WDFY3: variants seen among roughly 807,000 people sequenced by gnomAD.
WDFY3 encodes WD repeat and FYVE domain-containing protein 3.
Under a neutral mutation model 409.6 loss-of-function variants are expected in WDFY3, and 66 were observed. That is an observed-to-expected ratio of 0.16 (90% CI 0.13 to 0.20). WDFY3 has a LOEUF of 0.20. Ranked by LOEUF, WDFY3 falls within the 10% of genes least tolerant of loss-of-function variation. The probability of loss-of-function intolerance (pLI) is 1.00; values close to 1 mark genes in which losing one functional copy is unlikely to be tolerated. For missense variants in WDFY3, 3,031 were observed against 4,298.1 expected (o/e 0.71, Z 8.24); for synonymous variants, 1,521 against 1,537.1 (o/e 0.99, Z 0.25).
At chr4:84,750,247 C>T (rs1454875728) in intron 36 of WDFY3, among the ~76,000 whole-genome samples, 1 of 152,110 alleles carries the variant, frequency 6.6e-6, no homozygotes, top group East Asian at 1.9e-4. Flanking sequence ...ATTGGGCCTG[C>T]TTTTTAATTC....
At chr4:84,698,979 C>T (rs773146653) in intron 56 of WDFY3, among the ~76,000 whole-genome samples, 8 of 152,122 alleles carry the variant, frequency 5.3e-5, no homozygotes, top group African/African-American at 1.2e-4. Flanking sequence ...TGAGCCACTG[C>T]GACCAGCCCC....
intron 2 of WDFY3, among the ~76,000 whole-genome samples, chr4:84,923,296 G>A (rs952304310): frequency 6.6e-6 from 1 of 152,162 alleles, no homozygotes; most frequent in South Asian, 2.1e-4. Context: ...AAAAAGATGA[G>A]GCCAAAGGAA....
Position 84,803,363 on chromosome 4 carries a change from A to G in WDFY3, c.2534T>C (p.Val845Ala). The change falls in exon 16 of 68, where the codon GTC becomes GCC. Residue 845 changes from valine (V) to alanine (A), a missense_variant. Transcript: ENST00000295888. ...TTSSLQSSDAVIIHPGAMLAM... is the reference protein window; with the variant it reads ...TTSSLQSSDAAIIHPGAMLAM... ...AAGCATGGCTCCAGGATGAATGATG[A>G]CTGCATCAGAACTCTGCAGAGATGA... 1 of 1,614,134 alleles carries G rather than the reference A, an allele frequency of 6.2e-7. No homozygotes were observed. Among genetic ancestry groups the G allele is most frequent in the Non-Finnish European group, 8.5e-7 (1 of 1,180,012 alleles).
chr4:84,678,013 C>T (rs1308983990), intron 66 of WDFY3, among the ~76,000 whole-genome samples, 155 bp downstream of exon 66: 3 of 145,578 alleles, frequency 2.1e-5, no homozygotes, highest in Non-Finnish European at 3.0e-5. Flanking sequence ...AATATCCACA[C>T]ACTAACAGGG....
chr4:84,766,464 A>G, intron 30 of WDFY3, 92 bp from the exon 31 acceptor site: 1 of 1,271,304 alleles, frequency 7.9e-7, no homozygotes, highest in South Asian at 1.4e-5. Context: ...TGAAAAATAT[A>G]TCTTTTAGAA....
At chr4:84,917,606 C>T (rs1768680435) in intron 2 of WDFY3, among the ~76,000 whole-genome samples, 1 of 152,042 alleles carries the variant, frequency 6.6e-6, no homozygotes, top group Admixed American at 6.5e-5. Context: ...GTAGAGATAA[C>T]CATCTCATTC....
chr4:84,674,524 C>T (rs1010552380), intron 67 of WDFY3, among the ~76,000 whole-genome samples: 1 of 151,856 alleles, frequency 6.6e-6, no homozygotes, highest in African/African-American at 2.4e-5. Flanking sequence ...GAGCTGTGAT[C>T]GTGCCACTGT....
intron 2 of WDFY3, among the ~76,000 whole-genome samples, chr4:84,901,696 A>G (rs1057385862): frequency 6.6e-6 from 1 of 152,236 alleles, no homozygotes; most frequent in African/African-American, 2.4e-5. Context: ...TAACAAGGAA[A>G]CAAGCTCTAA....
In WDFY3 at chr4:84,841,219, T is replaced by C. The variant is rs2150029490; in HGVS notation, c.349A>G (p.Ser117Gly). Reference sequence around the variant, plus strand: ...ATCCAGCCTCTACTGGCTTCTTCACTCTGATTAATCTCTAGGAACTGAACT... The same window carrying C: ...ATCCAGCCTCTACTGGCTTCTTCACCCTGATTAATCTCTAGGAACTGAACT... Reference protein sequence around the residue: ...AIVQFLEINQSEEASRGWMLL... With the variant: ...AIVQFLEINQGEEASRGWMLL... Residue 117 changes from serine (S) to glycine (G), a missense_variant, in exon 6 of 68, where the codon AGT becomes GGT. By Grantham distance (56) the Ser-to-Gly change is moderately conservative (BLOSUM62 0). Around this residue, in one of 16 missense-constraint regions of WDFY3, gnomAD observed 1,322 missense variants for 1,697.9 expected, o/e 0.78. Coordinates refer to ENST00000295888, the MANE Select transcript of WDFY3 (RefSeq NM_014991.6). 1.2e-6 allele frequency: 2 copies of C among 1,613,144 alleles called. No individual in the cohort carries two copies. Among genetic ancestry groups the C allele is most frequent in the Non-Finnish European group, 1.7e-6 (2 of 1,179,844 alleles).
chr4:84,669,682 G>A lies in WDFY3; in HGVS notation c.*3186C>T, dbSNP rs1316080901. 1.4e-5 allele frequency: 2 copies of A among 144,712 alleles called. No individual in the cohort carries two copies. Among genetic ancestry groups the A allele is most frequent in the East Asian group, 2.0e-4 (1 of 4,988 alleles). The allele number at this position is 144,712 out of a possible 1,614,324, so 9.0% of individuals were successfully genotyped here. On this transcript the variant is annotated 3_prime_UTR_variant, in exon 68 of 68. Coordinates refer to ENST00000295888, the MANE Select transcript of WDFY3 (RefSeq NM_014991.6). The stretch of plus-strand genomic sequence containing the variant: ...GAGACAAATATACAATGAACATTCA[G>A]ATATCACAGACTGCACACTAGATAG...
rs952856643 is a variant in WDFY3, at chr4:84,928,784, T to A, written c.-132+3486A>T. On this transcript the variant is annotated intron_variant, in intron 2 of 67. Coordinates refer to ENST00000295888, the MANE Select transcript of WDFY3 (RefSeq NM_014991.6). The stretch of plus-strand genomic sequence containing the variant: ...CTTAAATTTTTTTAGGGAAATGAGA[T>A]TAGACCTCTGCATATTTTATGAGAA... Among the ~76,000 whole-genome samples, 6 of 152,194 alleles carry A rather than the reference T, an allele frequency of 3.9e-5. No homozygotes were observed. In the East Asian group the frequency reaches 1.2e-3, roughly 29 times the overall value.
At chr4:84,687,892 G>A (rs1728594262) in intron 62 of WDFY3, 194 bp downstream of exon 62, 2 of 511,800 alleles carry the variant, frequency 3.9e-6, no homozygotes, top group Non-Finnish European at 6.9e-6. Flanking sequence ...TCACCAAATC[G>A]GTGCTGACCT....
intron 31 of WDFY3, 34 bp downstream of exon 31, chr4:84,766,218 C>T: frequency 1.3e-6 from 2 of 1,549,584 alleles, no homozygotes; most frequent in Non-Finnish European, 1.7e-6. Flanking sequence ...GTAGTAGCAA[C>T]TGGTATAATC....
At chr4:84,958,480 CAAAT>C (rs1338740850) in intron 1 of WDFY3, among the ~76,000 whole-genome samples, 1 of 151,940 alleles carries the variant, frequency 6.6e-6, no homozygotes, top group Non-Finnish European at 1.5e-5. Flanking sequence ...GGTGGAGAGA[CAAAT>C]AAACCAGCTA....
chr4:84,814,623 C>T (rs928949237), intron 13 of WDFY3, among the ~76,000 whole-genome samples: 5 of 152,078 alleles, frequency 3.3e-5, no homozygotes, highest in African/African-American at 1.2e-4. Flanking sequence ...AGCAGAGTCT[C>T]GGTTATCAGA....
chr4:84,937,288 T>C (rs1268688414), intron 1 of WDFY3, among the ~76,000 whole-genome samples: 1 of 152,140 alleles, frequency 6.6e-6, no homozygotes, highest in Non-Finnish European at 1.5e-5. Context: ...ATACACTTTC[T>C]TTTATTGGCT....
In WDFY3 at chr4:84,733,416, T is replaced by C. The variant is rs1560620619; in HGVS notation, c.7187A>G (p.Tyr2396Cys). The C allele has an allele frequency of 1.2e-6, 2 of 1,614,048 alleles. No homozygotes were observed. Among genetic ancestry groups the C allele is most frequent in the Non-Finnish European group, 1.7e-6 (2 of 1,179,950 alleles). The change falls in exon 44 of 68, where the codon TAC becomes TGC. Residue 2396 changes from tyrosine to cysteine, a missense_variant. Coordinates refer to ENST00000295888, the MANE Select transcript of WDFY3 (RefSeq NM_014991.6). ...TGTCTCTTGCTCAGTTTCTGGCACGTAAGGGTAATGGTTATAAAACATATC... is the reference window on the plus strand; with the variant it reads ...TGTCTCTTGCTCAGTTTCTGGCACGCAAGGGTAATGGTTATAAAACATATC... ...RNDMFYNHYP[Y>C]VPETEQETNV...
intron 1 of WDFY3, among the ~76,000 whole-genome samples, chr4:84,958,265 GCA>G (rs1268400841): frequency 1.3e-5 from 2 of 152,170 alleles, no homozygotes; most frequent in East Asian, 3.9e-4. Context: ...AGCACTAAAT[GCA>G]CAGTGGTCAG....
chr4:84,762,983 C>G (rs1742953491), intron 32 of WDFY3, among the ~76,000 whole-genome samples: 1 of 151,510 alleles, frequency 6.6e-6, no homozygotes, highest in South Asian at 2.1e-4. Flanking sequence ...AAAAAGAAAC[C>G]AAAAGACATC....
Sources: allele counts gnomAD v4.1 joint callset (sites outside exome capture counted in the v4.1 genomes callset), GRCh38; gene constraint gnomAD v4.1.1; regional missense constraint gnomAD v4.1.1; transcripts MANE v1.5; gene names NCBI Gene and HGNC (gene_info 2026-07-23, HGNC 2026-07-21).